The following TUSC3 variants were observed in gnomAD, a reference collection of about 807,000 sequenced individuals.
TUSC3 encodes dolichyl-diphosphooligosaccharide--protein glycosyltransferase subunit TUSC3.
In TUSC3, 45 loss-of-function variants were observed where a neutral mutation model predicts 44.8. That is an observed-to-expected ratio of 1.00 (90% CI 0.79 to 1.29). TUSC3 has a LOEUF of 1.29. Among genes scored for constraint, TUSC3 ranks in the 50% most tolerant of loss-of-function variants. TUSC3 has a pLI of 0.00. For synonymous variants in TUSC3, 212 were observed against 152.9 expected (o/e 1.39, Z -2.85); for missense variants, 519 against 437.9 (o/e 1.19, Z -1.65).
chr8:15,807,162 G>T, the TUSC3 span: 4 of 826,648 alleles, frequency 4.8e-6, no homozygotes, highest in South Asian at 5.4e-5. Context: ...AATCACAGCC[G>T]TATGTGCATC....
chr8:15,714,812 A>T (rs909873898), intron 6 of TUSC3, among the ~76,000 whole-genome samples: 1 of 152,214 alleles, frequency 6.6e-6, no homozygotes. Context: ...TGAGAGCTAC[A>T]TAACCAATTC....
At chr8:15,419,209 C>A (rs943600488) in intron 1 of TUSC3, among the ~76,000 whole-genome samples, 13 of 152,168 alleles carry the variant, frequency 8.5e-5, no homozygotes, top group African/African-American at 3.1e-4. Flanking sequence ...TTCTGTTCCA[C>A]GATAAAAGAT....
chr8:15,578,032 C>T (rs1429935189), intron 1 of TUSC3, among the ~76,000 whole-genome samples: 1 of 150,346 alleles, frequency 6.7e-6, no homozygotes, highest in African/African-American at 2.4e-5. Context: ...TCCTTCACAT[C>T]CCTTGTAAGT....
intron 1 of TUSC3, among the ~76,000 whole-genome samples, chr8:15,570,001 G>C (rs1264620123): frequency 6.6e-6 from 1 of 151,856 alleles, no homozygotes; most frequent in African/African-American, 2.4e-5. Context: ...AGGTTTATTT[G>C]TATCCATTAT....
the TUSC3 span, among the ~76,000 whole-genome samples, chr8:15,827,556 G>A: frequency 2.6e-5 from 4 of 152,234 alleles, no homozygotes; most frequent in Middle Eastern, 3.4e-3. Context: ...AAAACTCTAA[G>A]ATGATAGGCT....
intron 1 of TUSC3, chr8:15,561,637 A>T (rs535562054): frequency 5.6e-4 from 85 of 152,390 alleles, no homozygotes; most frequent in Middle Eastern, 3.2e-3. Context: ...CTCAGACTGC[A>T]GTGCTAGCAA....
rs74923376 is a variant in TUSC3, at chr8:15,744,922, A to G, written c.937+1310A>G. Among the ~76,000 whole-genome samples, 365 of 152,124 alleles carry G rather than the reference A, an allele frequency of 2.4e-3. 2 individuals carry two copies. The highest frequency in any genetic ancestry group is 3.4e-3 in the Non-Finnish European group (229 of 67,954). ...CCCAATAATGAGCTTAGTACCAAAC[A>G]GGTGATTTTTCAACCTACACGCTCC... is the stretch of plus-strand genomic sequence containing the variant. On this transcript the variant is annotated intron_variant, in intron 8 of 10. Coordinates refer to ENST00000503731, the MANE Select transcript of TUSC3 (RefSeq NM_006765.4).
chr8:15,574,190 T>A (rs1803000332), intron 1 of TUSC3, among the ~76,000 whole-genome samples: 2 of 152,146 alleles, frequency 1.3e-5, no homozygotes, highest in South Asian at 4.1e-4. Flanking sequence ...GTGCCCTCAG[T>A]AATTTATAGT....
At chr8:15,593,162 T>A (rs1803925429) in intron 1 of TUSC3, among the ~76,000 whole-genome samples, 1 of 152,226 alleles carries the variant, frequency 6.6e-6, no homozygotes, top group South Asian at 2.1e-4. Context: ...CTTGGCTCAC[T>A]GCAGCCTCCG....
chr8:15,654,680 C>G (rs1039351589), intron 3 of TUSC3, among the ~76,000 whole-genome samples: 3 of 151,928 alleles, frequency 2.0e-5, no homozygotes, highest in African/African-American at 7.3e-5. Context: ...GTCTGTAATC[C>G]CAGCTACTGG....
chr8:15,531,687 GA>G (rs1801452046), intron 2 of TUSC3, among the ~76,000 whole-genome samples: 2 of 152,206 alleles, frequency 1.3e-5, no homozygotes, highest in Non-Finnish European at 2.9e-5. Flanking sequence ...AGACCTGTAT[GA>G]ATTTGCCACA....
the TUSC3 span, among the ~76,000 whole-genome samples, chr8:15,839,581 T>C: frequency 6.6e-6 from 1 of 152,108 alleles, no homozygotes. Context: ...TGAACAGACA[T>C]TTCTCAAAAA....
chr8:15,772,890 A>G, the TUSC3 span, among the ~76,000 whole-genome samples: 19 of 132,224 alleles, frequency 1.4e-4, no homozygotes, highest in Non-Finnish European at 2.5e-4. Context: ...AACAGAATGA[A>G]GAGGGAAAGC....
chr8:15,442,496 G>C (rs1800033554), intron 1 of TUSC3, among the ~76,000 whole-genome samples: 2 of 152,122 alleles, frequency 1.3e-5, no homozygotes, highest in Non-Finnish European at 2.9e-5. Flanking sequence ...AAGGTGATCT[G>C]ATTAGCTGTT....
intron 6 of TUSC3, among the ~76,000 whole-genome samples, chr8:15,705,834 C>T (rs1035836460): frequency 6.6e-6 from 1 of 152,048 alleles, no homozygotes; most frequent in Admixed American, 6.6e-5. Context: ...TCATCCCCTC[C>T]TTCATGCTTT....
intron 10 of TUSC3, among the ~76,000 whole-genome samples, chr8:15,763,237 C>G (rs1812225712): frequency 6.6e-6 from 1 of 151,752 alleles, no homozygotes; most frequent in African/African-American, 2.4e-5. Context: ...ACGAAAAGAA[C>G]TTCGGGAATC....
chr8:15,631,677 TGTG>T (rs1160887517), intron 2 of TUSC3, among the ~76,000 whole-genome samples: 6 of 146,708 alleles, frequency 4.1e-5, no homozygotes, highest in African/African-American at 1.3e-4. Context: ...GTTGTGTGTG[TGTG>T]TGTGTGTGTG....
At position 15,543,593 on chromosome 8, in the gene TUSC3, A is replaced by G. The variant is rs147701231; in HGVS notation, c.138+3025A>G. 3.9e-5 allele frequency among the ~76,000 whole-genome samples: 6 copies of G among 152,294 alleles called. No homozygotes were observed. The East Asian group carries it at 1.2e-3, about 29-fold the overall frequency. Reference sequence around the variant, plus strand: ...ACATGTAAAATATATAACTATATGTATATAAAGACTGTATATAAAATGCTT... The same window carrying G: ...ACATGTAAAATATATAACTATATGTGTATAAAGACTGTATATAAAATGCTT... On this transcript the variant is annotated intron_variant, in intron 1 of 10. Coordinates refer to ENST00000503731, the MANE Select transcript of TUSC3 (RefSeq NM_006765.4).
intron 1 of TUSC3, among the ~76,000 whole-genome samples, chr8:15,554,049 C>G (rs1802146555): frequency 6.6e-6 from 1 of 151,558 alleles, no homozygotes; most frequent in Admixed American, 6.6e-5. Context: ...GACCTCAGAT[C>G]CGTGTCTGGT....
Sources: allele counts gnomAD v4.1 joint callset (sites outside exome capture counted in the v4.1 genomes callset), GRCh38; gene constraint gnomAD v4.1.1; transcripts MANE v1.5; gene names NCBI Gene and HGNC (gene_info 2026-07-23, HGNC 2026-07-21).